The following TRAF3IP1 variants were observed in gnomAD, a reference collection of about 807,000 sequenced individuals.
The protein encoded by TRAF3IP1 is TRAF3-interacting protein 1.
A neutral mutation model predicts 89.9 loss-of-function variants in TRAF3IP1; 53 were observed. That is an observed-to-expected ratio of 0.59 (90% CI 0.47 to 0.74). TRAF3IP1 has a LOEUF of 0.74. Among genes scored for constraint, TRAF3IP1 ranks in the 30% least tolerant of loss-of-function variants. The probability of loss-of-function intolerance (pLI) is 0.00; values close to 1 mark genes in which losing one functional copy is unlikely to be tolerated. For synonymous variants in TRAF3IP1, 311 were observed against 322.1 expected (o/e 0.97, Z 0.37); for missense variants, 806 against 866.1 (o/e 0.93, Z 0.87).
At chr2:238,360,207 A>G (rs1699598689) in intron 15 of TRAF3IP1, among the ~76,000 whole-genome samples, 1 of 152,228 alleles carries the variant, frequency 6.6e-6, no homozygotes, top group Non-Finnish European at 1.5e-5. Context: ...TTTCCATTTA[A>G]TATTTTCAGA....
At chr2:238,373,301 AT>A (rs897933696) in intron 15 of TRAF3IP1, among the ~76,000 whole-genome samples, 27 of 152,238 alleles carry the variant, frequency 1.8e-4, no homozygotes, top group African/African-American at 6.5e-4. Flanking sequence ...TCTTGAATTA[AT>A]TTTTGTATAT....
rs1183482352 is a variant in TRAF3IP1 at position 238,400,289 on chromosome 2, T to A, written c.*1370T>A. 1 of 152,048 alleles carries A rather than the reference T, an allele frequency of 6.6e-6. No individual in the cohort carries two copies. The highest frequency in any genetic ancestry group is 1.5e-5 in the Non-Finnish European group (1 of 68,042). 9.4% of individuals were successfully genotyped at this position (152,048 alleles called of 1,614,324 possible). On this transcript the variant is annotated 3_prime_UTR_variant, in exon 17 of 17. Coordinates refer to ENST00000373327, the MANE Select transcript of TRAF3IP1 (RefSeq NM_015650.4). ...TTTTGTATTTTCAGTAGAGATGGGG[T>A]TTCACCGTGTTGACCAGGATGGTCT...
intron 15 of TRAF3IP1, among the ~76,000 whole-genome samples, chr2:238,395,980 A>G (rs912498401): frequency 6.6e-6 from 1 of 152,222 alleles, no homozygotes; most frequent in Non-Finnish European, 1.5e-5. Context: ...GCGATTCCTC[A>G]GGGATCTAGA....
chr2:238,332,384 C>T (rs1438655036), intron 5 of TRAF3IP1, among the ~76,000 whole-genome samples: 1 of 152,120 alleles, frequency 6.6e-6, no homozygotes, highest in Non-Finnish European at 1.5e-5. Context: ...AAAGAATTGC[C>T]CCATTCTATT....
chr2:238,391,138 G>A (rs1166658516), intron 15 of TRAF3IP1, among the ~76,000 whole-genome samples: 2 of 151,776 alleles, frequency 1.3e-5, no homozygotes. Context: ...TATTTTTTTT[G>A]TAGAGGCAGG....
chr2:238,387,747 C>T (rs1016243053), intron 15 of TRAF3IP1, among the ~76,000 whole-genome samples: 18 of 152,014 alleles, frequency 1.2e-4, no homozygotes, highest in African/African-American at 2.7e-4. Context: ...TATTCAGAAA[C>T]GCAAATGAAC....
chr2:238,332,260 A>T (rs969213576), intron 5 of TRAF3IP1, among the ~76,000 whole-genome samples: 1 of 152,208 alleles, frequency 6.6e-6, no homozygotes, highest in African/African-American at 2.4e-5. Context: ...CTACTCTGAG[A>T]TATGTCTTCT....
rs1698849265 is a variant in TRAF3IP1, at chr2:238,345,481, C to G, written c.1261+883C>G. Among the ~76,000 whole-genome samples the G allele has an allele frequency of 6.6e-6, 1 of 152,236 alleles. No individual in the cohort carries two copies. The highest frequency in any genetic ancestry group is 1.5e-5 in the Non-Finnish European group (1 of 68,038). ...GGCTGGCTCAGCCCAGAGGAAGGGC[C>G]AGAGCCAGGTCCCTGTGCCAGCTTA... On this transcript the variant is annotated intron_variant, in intron 9 of 16. Coordinates refer to ENST00000373327, the MANE Select transcript of TRAF3IP1 (RefSeq NM_015650.4). The surrounding 1 kb of genome is among the most constrained non-coding windows in gnomAD (Gnocchi z 4.7).
In TRAF3IP1 at chr2:238,329,362, C is replaced by T; in HGVS notation, c.915+20C>T. Reference sequence around the variant, plus strand: ...AAAAAGGTAAAGTCTTGCTGAGAACCTCGCCTTTTGCTTAGCAAGAGTTTG... The same window carrying T: ...AAAAAGGTAAAGTCTTGCTGAGAACTTCGCCTTTTGCTTAGCAAGAGTTTG... On this transcript the variant is annotated intron_variant, in intron 5 of 16. Coordinates refer to ENST00000373327, the MANE Select transcript of TRAF3IP1 (RefSeq NM_015650.4). 1.5e-6 allele frequency: 2 copies of T among 1,343,032 alleles called. No individual in the cohort carries two copies. The highest frequency in any genetic ancestry group is 1.9e-6 in the Non-Finnish European group (2 of 1,038,970). The allele number at this position is 1,343,032 out of a possible 1,614,324, so 83.2% of individuals were successfully genotyped here. A position where few individuals can be genotyped will look rare whatever the true frequency, so the allele number is the denominator to read the frequency against.
intron 15 of TRAF3IP1, among the ~76,000 whole-genome samples, chr2:238,361,054 T>C (rs1220626225): frequency 6.6e-6 from 1 of 151,882 alleles, no homozygotes; most frequent in Non-Finnish European, 1.5e-5. Flanking sequence ...AAAAACTTTT[T>C]TTTTTTTTTG....
At chr2:238,381,017 CCTGAGGATACT>C (rs1175305832) in intron 15 of TRAF3IP1, among the ~76,000 whole-genome samples, 1 of 151,814 alleles carries the variant, frequency 6.6e-6, no homozygotes, top group Non-Finnish European at 1.5e-5. Flanking sequence ...GTTTTGGTTT[CCTGAGGATACT>C]CTCAAAAGGC....
chr2:238,378,751 C>G (rs1700424485), intron 15 of TRAF3IP1, among the ~76,000 whole-genome samples: 1 of 152,130 alleles, frequency 6.6e-6, no homozygotes, highest in Non-Finnish European at 1.5e-5. Context: ...GTTAAGGGAA[C>G]TTTGAGGCTG....
intron 13 of TRAF3IP1, 27 bp from the exon 14 acceptor site, chr2:238,353,146 C>G: frequency 6.2e-7 from 1 of 1,614,004 alleles, no homozygotes; most frequent in East Asian, 2.2e-5. Flanking sequence ...CCTGAATCTT[C>G]TTTTTCCCCC....
chr2:238,346,942 G>C (rs1178813237), intron 9 of TRAF3IP1, among the ~76,000 whole-genome samples: 3 of 152,238 alleles, frequency 2.0e-5, no homozygotes, highest in Non-Finnish European at 4.4e-5. Flanking sequence ...CCTGGGTGAA[G>C]GTGCAGAGGT....
chr2:238,370,647 G>A (rs1352698464), intron 15 of TRAF3IP1, among the ~76,000 whole-genome samples: 1 of 152,160 alleles, frequency 6.6e-6, no homozygotes, highest in Non-Finnish European at 1.5e-5. Context: ...GGCTCAGGAG[G>A]GAAGATCAGT....
chr2:238,365,535 G>C (rs1321740296), intron 15 of TRAF3IP1, among the ~76,000 whole-genome samples: 2 of 152,052 alleles, frequency 1.3e-5, no homozygotes, highest in African/African-American at 4.8e-5. Flanking sequence ...GTGCATACCT[G>C]TGTTTCCAGC....
intron 15 of TRAF3IP1, among the ~76,000 whole-genome samples, chr2:238,378,161 G>T (rs1020239895): frequency 6.6e-6 from 1 of 151,664 alleles, no homozygotes; most frequent in African/African-American, 2.4e-5. Flanking sequence ...TTTAATCTTT[G>T]TTTTTCTTTT....
At chr2:238,376,308 C>G (rs1180280537) in intron 15 of TRAF3IP1, among the ~76,000 whole-genome samples, 2 of 152,142 alleles carry the variant, frequency 1.3e-5, no homozygotes, top group Non-Finnish European at 2.9e-5. Context: ...AGCTCATGGG[C>G]TATAGAGAAA....
intron 15 of TRAF3IP1, among the ~76,000 whole-genome samples, chr2:238,359,354 A>C (rs1230896336): frequency 1.3e-5 from 2 of 151,886 alleles, no homozygotes; most frequent in Non-Finnish European, 2.9e-5. Flanking sequence ...GCCCATCTCC[A>C]TGTTCCCCTT....
Sources: gnomAD v4.1 joint callset for allele counts (sites outside exome capture counted in the v4.1 genomes callset) on GRCh38, gnomAD v4.1.1 for gene constraint, Gnocchi (gnomAD v3.1) non-coding constraint, MANE v1.5 for transcripts, NCBI Gene and HGNC (gene_info 2026-07-23, HGNC 2026-07-21) for gene names.